Variants in NUP35 observed in about 807,000 individuals in gnomAD.
NUP35 encodes the protein nucleoporin 35.
NUP35 carries 25 observed loss-of-function variants against 41.5 expected under a neutral mutation model. That is an observed-to-expected ratio of 0.60 (90% CI 0.44 to 0.84). The LOEUF is 0.84. Among genes scored for constraint, NUP35 ranks in the 40% least tolerant of loss-of-function variants. The pLI is 0.00. For missense variants in NUP35, 396 were observed against 396.6 expected, an observed-to-expected ratio of 1.00 and a Z score of 0.01; for synonymous variants, 149 against 130.7, an observed-to-expected ratio of 1.14 and a Z score of -0.96.
chr2:183,156,715 T>A (rs768016627), intron 5 of NUP35, among the ~76,000 whole-genome samples: 5 of 151,912 alleles, frequency 3.3e-5, no homozygotes, highest in Admixed American at 6.6e-5. Flanking sequence ...TTCTTTAGGG[T>A]TCTAATTCAG....
upstream of NUP35, among the ~76,000 whole-genome samples, chr2:183,121,931 T>TTATTATTATTATTATTATTATTAC (rs1575108284): frequency 6.7e-6 from 1 of 149,606 alleles, no homozygotes. Context: ...ATTATTATTA[T>TTATTATTATTATTATTATTATTAC]TATACTTTAA....
intron 3 of NUP35, chr2:183,131,061 C>T (rs1056320147): frequency 4.2e-6 from 2 of 475,364 alleles, no homozygotes; most frequent in Non-Finnish European, 7.9e-6. Flanking sequence ...AACTCTGCAG[C>T]CTTGAACTCC....
rs148288211 is a variant in NUP35, at chr2:183,153,931, A to G, written c.539+2282A>G. On this transcript the variant is annotated intron_variant, in intron 5 of 8. Transcript: ENST00000295119. ...TGCCTGGGCATCCAGGTATTTCCATACATCTTCTGAAATCTAGGTGAAGGT... is the reference window on the plus strand; with the variant it reads ...TGCCTGGGCATCCAGGTATTTCCATGCATCTTCTGAAATCTAGGTGAAGGT... Among the ~76,000 whole-genome samples the G allele has an allele frequency of 8.6e-3, 1,314 of 152,292 alleles. 18 individuals are homozygous for G. The highest frequency in any genetic ancestry group is 0.03 in the African/African-American group (1,236 of 41,550).
chr2:183,153,033 G>A (rs767041761), intron 5 of NUP35, among the ~76,000 whole-genome samples: 21 of 152,192 alleles, frequency 1.4e-4, no homozygotes, highest in Non-Finnish European at 2.6e-4. Flanking sequence ...TTACATGACG[G>A]TGTCAAGAGA....
chr2:183,143,577 C>T (rs1685177360), intron 4 of NUP35, among the ~76,000 whole-genome samples: 1 of 152,192 alleles, frequency 6.6e-6, no homozygotes, highest in South Asian at 2.1e-4. Context: ...TGCTGTCAGA[C>T]TCATTGAGTT....
chr2:183,128,889 CTA>C (rs1377064514), intron 2 of NUP35, among the ~76,000 whole-genome samples: 1 of 152,070 alleles, frequency 6.6e-6, no homozygotes, highest in African/African-American at 2.4e-5. Context: ...AAAATGTATT[CTA>C]TGTTTTTTTC....
At chr2:183,132,816 T>G (rs1684744238) in intron 3 of NUP35, among the ~76,000 whole-genome samples, 1 of 152,230 alleles carries the variant, frequency 6.6e-6, no homozygotes, top group Non-Finnish European at 1.5e-5. Flanking sequence ...GTTTGCTTTC[T>G]AATCATGAAA....
chr2:183,118,083 A>G (rs1054174199), intron 1 of NUP35, among the ~76,000 whole-genome samples: 1 of 152,170 alleles, frequency 6.6e-6, no homozygotes, highest in African/African-American at 2.4e-5. Context: ...AAGCATCTGC[A>G]CCATCCTTTG....
chr2:183,159,224 G>T (rs1489855253), intron 7 of NUP35, among the ~76,000 whole-genome samples: 1 of 152,058 alleles, frequency 6.6e-6, no homozygotes, highest in Non-Finnish European at 1.5e-5. Context: ...TTTTCATAGT[G>T]TTTTAGGAAA....
intron 1 of NUP35, among the ~76,000 whole-genome samples, chr2:183,125,860 A>G (rs551012039): frequency 5.9e-5 from 9 of 152,308 alleles, no homozygotes; most frequent in African/African-American, 1.9e-4. Flanking sequence ...CTGAGTACGT[A>G]TCTTTTGGGA....
chr2:183,157,525 T>C lies in NUP35; in HGVS notation c.609+12T>C. The C allele has an allele frequency of 6.4e-7, 1 of 1,563,418 alleles. No individual in the cohort carries two copies. Reference sequence around the variant, plus strand: ...TCTTAAAACATGTGGTAAGGCTTAATTTTTTTCAGTTCAGAGTTTTGACTA... The same window carrying C: ...TCTTAAAACATGTGGTAAGGCTTAACTTTTTTCAGTTCAGAGTTTTGACTA... On this transcript the variant is annotated intron_variant, in intron 6 of 8. Transcript: ENST00000295119.
upstream of NUP35, chr2:183,124,290 G>T: frequency 6.8e-7 from 1 of 1,464,292 alleles, no homozygotes; most frequent in East Asian, 2.4e-5. Context: ...TCAGCGCAAA[G>T]ACTTTGCCCT....
chr2:183,158,064 TCTTA>T (rs1559157443), intron 6 of NUP35, among the ~76,000 whole-genome samples: 1 of 152,080 alleles, frequency 6.6e-6, no homozygotes, highest in Non-Finnish European at 1.5e-5. Flanking sequence ...TTGAGAAGTA[TCTTA>T]CTTTCAGAGA....
chr2:183,143,272 A>T (rs1575125578), intron 4 of NUP35, among the ~76,000 whole-genome samples: 1 of 138,226 alleles, frequency 7.2e-6, no homozygotes. Context: ...CGTCTCTTCT[A>T]GTTCTTGGTA....
rs75686742 is a variant in NUP35, at chr2:183,136,265, C to T, written c.397+2642C>T. Among the ~76,000 whole-genome samples, 850 of 152,318 alleles carry T rather than the reference C, an allele frequency of 5.6e-3. 7 individuals carry two copies. Among genetic ancestry groups the T allele is most frequent in the East Asian group, 0.054 (280 of 5,184 alleles). ...TTTCTGTAGTTGCCATAACAAATTA[C>T]GACAAACTTAGTGGTTTAAAACAAT... On this transcript the variant is annotated intron_variant, in intron 4 of 8. Transcript: ENST00000295119.
Position 183,157,471 on chromosome 2 carries a change from A to G in NUP35, c.567A>G (p.Ile189Met). The part of the protein sequence containing the change: ...FGFPQASASY[I>M]LLQFAQYGNI... ...TTCCTCAAGCATCTGCTTCCTACAT[A>G]TTACTACAATTTGCACAGTATGGGA... is the stretch of plus-strand genomic sequence containing the variant. The change falls in exon 6 of 9, where the codon ATA becomes ATG. Residue 189 changes from isoleucine (I) to methionine (M), a missense_variant. Transcript: ENST00000295119. 1 of 1,613,038 alleles carries G rather than the reference A, an allele frequency of 6.2e-7. No individual in the cohort carries two copies. Among genetic ancestry groups the G allele is most frequent in the Non-Finnish European group, 8.5e-7 (1 of 1,179,150 alleles).
At chr2:183,159,323 C>T (rs1055570191) in intron 7 of NUP35, among the ~76,000 whole-genome samples, 165 bp from the exon 8 acceptor site, 2 of 152,040 alleles carry the variant, frequency 1.3e-5, no homozygotes, top group Non-Finnish European at 2.9e-5. Flanking sequence ...TCAAATGCTA[C>T]CTAAGAAGCA....
rs1684867614 is a variant in NUP35, at chr2:183,136,158, C to T, written c.397+2535C>T. Among the ~76,000 whole-genome samples, 8 of 152,236 alleles carry T rather than the reference C, an allele frequency of 5.3e-5. No homozygotes were observed. The South Asian group carries it at 1.4e-3, about 28-fold the overall frequency. On this transcript the variant is annotated intron_variant, in intron 4 of 8. Coordinates refer to ENST00000295119, the MANE Select transcript of NUP35 (RefSeq NM_138285.5). ...TCAGAATTCTTCCAGCCTCTACCCA[C>T]TGCCTGATTTCTAAAGCCATTTCCA...
chr2:183,128,281 A>G lies in NUP35; in HGVS notation c.41-6A>G. 6.3e-7 allele frequency: 1 copy of G among 1,581,382 alleles called. No homozygotes were observed. The highest frequency in any genetic ancestry group is 8.6e-7 in the Non-Finnish European group (1 of 1,161,214). On this transcript the variant is annotated splice_polypyrimidine_tract_variant and splice_region_variant and intron_variant, in intron 1 of 8. Coordinates refer to ENST00000295119, the MANE Select transcript of NUP35 (RefSeq NM_138285.5). ...AAGTCCTTAATTTATTTTTTGATTC[A>G]TGTAGGATCTGAACCAATGATGCTG...
Sources: gnomAD v4.1 joint callset for allele counts (sites outside exome capture counted in the v4.1 genomes callset) on GRCh38, gnomAD v4.1.1 for gene constraint, MANE v1.5 for transcripts, NCBI Gene and HGNC (gene_info 2026-07-23, HGNC 2026-07-21) for gene names.